CACNA2D1: variants seen among roughly 807,000 people sequenced by gnomAD.
CACNA2D1 encodes voltage-dependent calcium channel subunit alpha-2/delta-1.
In CACNA2D1, 53 loss-of-function variants were observed where a neutral mutation model predicts 171.5. The ratio of observed to expected loss-of-function variants is 0.31; its 90% CI spans 0.25 to 0.39. The LOEUF (loss-of-function observed/expected upper bound fraction) is 0.39, where lower values mean the gene tolerates loss of function less well. Among genes scored for constraint, CACNA2D1 ranks in the 10% least tolerant of loss-of-function variants. CACNA2D1 has a pLI of 1.00. For synonymous variants in CACNA2D1, 442 were observed against 443.1 expected, an observed-to-expected ratio of 1.00 and a Z score of 0.03; for missense variants, 903 against 1,299.8, an observed-to-expected ratio of 0.69 and a Z score of 4.69.
chr7:82,174,782 C>A (rs1306318769), intron 3 of CACNA2D1, among the ~76,000 whole-genome samples: 1 of 152,074 alleles, frequency 6.6e-6, no homozygotes, highest in Non-Finnish European at 1.5e-5. Flanking sequence ...CAGGTCTTGT[C>A]CTCAAATCCT....
intron 6 of CACNA2D1, among the ~76,000 whole-genome samples, chr7:82,093,567 T>C (rs1811491748): frequency 1.3e-5 from 2 of 152,146 alleles, no homozygotes; most frequent in Non-Finnish European, 2.9e-5. Context: ...AATAGTCTAT[T>C]AACCTTTCCA....
At chr7:82,114,424 T>C (rs1401497228) in intron 6 of CACNA2D1, among the ~76,000 whole-genome samples, 1 of 152,196 alleles carries the variant, frequency 6.6e-6, no homozygotes, top group Non-Finnish European at 1.5e-5. Flanking sequence ...ACAATCTGTC[T>C]TGACTACCAA....
intron 12 of CACNA2D1, among the ~76,000 whole-genome samples, chr7:82,027,011 A>C (rs1584465408): frequency 6.6e-6 from 1 of 151,782 alleles, no homozygotes; most frequent in Admixed American, 6.6e-5. Flanking sequence ...AAGTAATTGA[A>C]CTTCAGGAGA....
At chr7:82,325,743 C>T (rs1399753305) in intron 3 of CACNA2D1, among the ~76,000 whole-genome samples, 1 of 152,152 alleles carries the variant, frequency 6.6e-6, no homozygotes, top group African/African-American at 2.4e-5. Context: ...AAACAAATGA[C>T]AGGACACACA....
intron 3 of CACNA2D1, among the ~76,000 whole-genome samples, chr7:82,286,998 G>A (rs1810874006): frequency 6.6e-6 from 1 of 152,142 alleles, no homozygotes; most frequent in Non-Finnish European, 1.5e-5. Flanking sequence ...AGCACGCACA[G>A]ATTTAAAGAG....
At chr7:82,215,058 G>A (rs1419508871) in intron 3 of CACNA2D1, among the ~76,000 whole-genome samples, 1 of 151,972 alleles carries the variant, frequency 6.6e-6, no homozygotes, top group Non-Finnish European at 1.5e-5. Context: ...GACCCTCCTG[G>A]TCTTAAAGCT....
At chr7:82,013,322 G>T in intron 14 of CACNA2D1, 139 bp downstream of exon 14, 1 of 249,790 alleles carries the variant, frequency 4.0e-6, no homozygotes, top group Non-Finnish European at 7.7e-6. Flanking sequence ...GTATCAACAA[G>T]ATACTCAGTA....
At chr7:82,196,690 G>A (rs1053710463) in intron 3 of CACNA2D1, among the ~76,000 whole-genome samples, 3 of 151,962 alleles carry the variant, frequency 2.0e-5, no homozygotes, top group Non-Finnish European at 4.4e-5. Context: ...AATAACAAGA[G>A]AAGATTGTTA....
At chr7:82,273,474 TAATA>T (rs1808906764) in intron 3 of CACNA2D1, among the ~76,000 whole-genome samples, 1 of 151,326 alleles carries the variant, frequency 6.6e-6, no homozygotes, top group African/African-American at 2.4e-5. Context: ...CTCTATAATA[TAATA>T]TTTTCTATTT....
chr7:81,995,586 G>A (rs1472949630), intron 19 of CACNA2D1, among the ~76,000 whole-genome samples: 1 of 152,040 alleles, frequency 6.6e-6, no homozygotes, highest in Non-Finnish European at 1.5e-5. Context: ...ATTGCCTGAG[G>A]TTGAGAGTTC....
intron 8 of CACNA2D1, 51 bp from the exon 9 acceptor site, chr7:82,064,405 TG>T (rs1807346263): frequency 1.5e-6 from 2 of 1,326,270 alleles, no homozygotes; most frequent in Non-Finnish European, 2.2e-6. Flanking sequence ...TATCAAACAC[TG>T]ATATTTGTTG....
At chr7:82,296,114 TG>T (rs2129420601) in intron 3 of CACNA2D1, among the ~76,000 whole-genome samples, 1 of 110,704 alleles carries the variant, frequency 9.0e-6, no homozygotes, top group African/African-American at 3.3e-5. Flanking sequence ...TGTTGCGGGG[TG>T]GGGGAAGGGG....
intron 21 of CACNA2D1, among the ~76,000 whole-genome samples, 180 bp from the exon 22 acceptor site, chr7:81,984,891 C>T (rs1796797147): frequency 6.6e-6 from 1 of 152,102 alleles, no homozygotes; most frequent in Non-Finnish European, 1.5e-5. Flanking sequence ...GTCTTGCCAT[C>T]CAGAGTCATC....
intron 3 of CACNA2D1, among the ~76,000 whole-genome samples, chr7:82,279,828 AT>A (rs1809852603): frequency 6.6e-6 from 1 of 152,120 alleles, no homozygotes; most frequent in Admixed American, 6.6e-5. Flanking sequence ...CTTTAGAGTT[AT>A]TTTTTTAACC....
At chr7:82,417,732 C>T (rs1332297757) in intron 1 of CACNA2D1, among the ~76,000 whole-genome samples, 3 of 152,100 alleles carry the variant, frequency 2.0e-5, no homozygotes, top group Non-Finnish European at 4.4e-5. Flanking sequence ...GTATAGAATA[C>T]ACGTTTACCA....
chr7:82,356,103 A>G (rs186249759), intron 1 of CACNA2D1, among the ~76,000 whole-genome samples: 1 of 152,114 alleles, frequency 6.6e-6, no homozygotes, highest in East Asian at 1.9e-4. Flanking sequence ...TAATAGCCAA[A>G]TGCATTGAGA....
intron 12 of CACNA2D1, among the ~76,000 whole-genome samples, chr7:82,026,509 T>C (rs1364267997): frequency 1.3e-5 from 2 of 151,740 alleles, no homozygotes; most frequent in African/African-American, 4.8e-5. Context: ...TTTTTACACA[T>C]TGGCCATTTG....
Position 82,187,370 on chromosome 7 carries a change from C to A in CACNA2D1, c.295-16761G>T, listed in dbSNP as rs369093401. On this transcript the variant is annotated intron_variant, in intron 3 of 38. Transcript: ENST00000356860. ...AATCACAAGCCTAAAAACAATCTAA[C>A]CTATAGAGTAGGCATGGAAAAAATG... Among the ~76,000 whole-genome samples the A allele has an allele frequency of 2.4e-4, 36 of 152,138 alleles. 1 individual carries two copies. In the East Asian group the frequency reaches 6.8e-3, roughly 29 times the overall value.
chr7:82,409,976 A>C (rs2129454575), intron 1 of CACNA2D1, among the ~76,000 whole-genome samples: 1 of 152,330 alleles, frequency 6.6e-6, no homozygotes, highest in African/African-American at 2.4e-5. Context: ...CATAATGATA[A>C]GTGTCTGTAT....
Sources: gnomAD v4.1 joint callset for allele counts (sites outside exome capture counted in the v4.1 genomes callset) on GRCh38, gnomAD v4.1.1 for gene constraint, MANE v1.5 for transcripts, NCBI Gene and HGNC (gene_info 2026-07-23, HGNC 2026-07-21) for gene names.